SLC15A2: variants seen among roughly 807,000 people sequenced by gnomAD.
SLC15A2 encodes the protein solute carrier family 15 member 2, also known as kidney H(+)/peptide cotransporter.
In SLC15A2, 77 loss-of-function variants were observed where a neutral mutation model predicts 95.5. That is an observed-to-expected ratio of 0.81 (90% CI 0.67 to 0.97). SLC15A2 has a LOEUF of 0.97. Ranked by LOEUF, SLC15A2 falls within the 50% of genes least tolerant of loss-of-function variation. The pLI is 0.00. For synonymous variants in SLC15A2, 306 were observed against 306.9 expected (o/e 1.00, Z 0.03); for missense variants, 893 against 874.4 (o/e 1.02, Z -0.27).
chr3:121,929,096 T>C lies in SLC15A2; in HGVS notation c.1456T>C (p.Trp486Arg). The C allele has an allele frequency of 1.2e-6, 2 of 1,614,052 alleles. No individual in the cohort carries two copies. Among genetic ancestry groups the C allele is most frequent in the South Asian group, 2.2e-5 (2 of 91,056 alleles). ...YTEHSVQEKN[W>R]YSLVIREDGN... ...TGAGCATTCTGTGCAGGAGAAGAACTGGTACAGTCTTGTCATTCGTGAAGA... is the reference window on the plus strand; with the variant it reads ...TGAGCATTCTGTGCAGGAGAAGAACCGGTACAGTCTTGTCATTCGTGAAGA... Residue 486 changes from tryptophan (W) to arginine (R), a missense_variant, in exon 16 of 22, where the codon TGG becomes CGG. Physicochemically the swap from Trp to Arg is moderately radical, Grantham distance 101. Coordinates refer to ENST00000489711, the MANE Select transcript of SLC15A2 (RefSeq NM_021082.4).
At chr3:121,919,375 A>G (rs959145638) in intron 7 of SLC15A2, among the ~76,000 whole-genome samples, 1 of 152,180 alleles carries the variant, frequency 6.6e-6, no homozygotes, top group Non-Finnish European at 1.5e-5. Context: ...TGAGTAAAGC[A>G]GAGAAGAATT....
At chr3:121,913,188 AGCCATTT>A (rs1709809249) in intron 5 of SLC15A2, 68 bp downstream of exon 5, 8 of 1,223,730 alleles carry the variant, frequency 6.5e-6, no homozygotes, top group Non-Finnish European at 9.6e-6. Flanking sequence ...TCTGGCAGGT[AGCCATTT>A]GCCAAGATTG....
intron 13 of SLC15A2, among the ~76,000 whole-genome samples, chr3:121,925,767 TATATATATATATATAAAA>T (rs1336561086): frequency 7.8e-4 from 69 of 88,940 alleles, no homozygotes; most frequent in African/African-American, 3.7e-3. Context: ...TATATATATA[TATATATATATATATAAAA>T]TACAACTACT....
intron 8 of SLC15A2, 89 bp from the exon 9 acceptor site, chr3:121,922,685 TA>T: frequency 1.3e-6 from 1 of 793,112 alleles, no homozygotes; most frequent in Non-Finnish European, 2.0e-6. Context: ...TCACTAGAAG[TA>T]TGGTGTTTGA....
rs1710478361 is a variant in SLC15A2 at position 121,942,378 on chromosome 3, C to T, written c.*1371C>T. Reference sequence around the variant, plus strand: ...ATCACTGTTCTAGAGAGCTTCATTTCCATTGGTTTTAAAACATTATTCTCA... The same window carrying T: ...ATCACTGTTCTAGAGAGCTTCATTTTCATTGGTTTTAAAACATTATTCTCA... On this transcript the variant is annotated 3_prime_UTR_variant, in exon 22 of 22. Transcript: ENST00000489711. 1 of 152,152 alleles carries T rather than the reference C, an allele frequency of 6.6e-6. No individual in the cohort carries two copies. Among genetic ancestry groups the T allele is most frequent in the Admixed American group, 6.6e-5 (1 of 15,264 alleles). The allele number at this position is 152,152 out of a possible 1,614,324, so 9.4% of individuals were successfully genotyped here.
chr3:121,923,489 A>G (rs2293613), intron 11 of SLC15A2, among the ~76,000 whole-genome samples: 10,261 of 152,270 alleles, frequency 0.067, 396 homozygotes, highest in South Asian at 0.16. Flanking sequence ...GAAAGTTTCA[A>G]TGTATACAAG....
At chr3:121,921,668 T>A (rs1011456092) in intron 7 of SLC15A2, among the ~76,000 whole-genome samples, 1 of 151,674 alleles carries the variant, frequency 6.6e-6, no homozygotes, top group Admixed American at 6.6e-5. Context: ...TAATAGATCC[T>A]GGAAAGAAAC....
intron 19 of SLC15A2, among the ~76,000 whole-genome samples, chr3:121,937,903 C>T (rs568762361): frequency 6.6e-6 from 1 of 151,596 alleles, no homozygotes; most frequent in Non-Finnish European, 1.5e-5. Context: ...GTTTTATCTA[C>T]TTTTGGTCTT....
intron 19 of SLC15A2, among the ~76,000 whole-genome samples, chr3:121,937,592 T>G (rs1710372823): frequency 6.6e-6 from 1 of 151,764 alleles, no homozygotes; most frequent in African/African-American, 2.4e-5. Context: ...CACGTAGTTC[T>G]CGAGCCTTGG....
At chr3:121,911,002 A>G (rs1028604431) in intron 3 of SLC15A2, among the ~76,000 whole-genome samples, 2 of 152,182 alleles carry the variant, frequency 1.3e-5, no homozygotes, top group African/African-American at 2.4e-5. Flanking sequence ...GAGGATTACA[A>G]TTAATCCAAG....
chr3:121,931,472 C>G (rs979474334), intron 18 of SLC15A2, among the ~76,000 whole-genome samples, 167 bp from the exon 19 acceptor site: 121 of 152,250 alleles, frequency 7.9e-4, no homozygotes, highest in African/African-American at 2.7e-3. Context: ...GGGACAGAAG[C>G]CTGGCATGAA....
intron 3 of SLC15A2, among the ~76,000 whole-genome samples, chr3:121,902,583 C>T (rs949403189): frequency 6.6e-6 from 1 of 152,120 alleles, no homozygotes; most frequent in African/African-American, 2.4e-5. Flanking sequence ...TTGTTCAATT[C>T]CCACCTATGA....
rs763471704 is a variant in SLC15A2 at position 121,940,536 on chromosome 3, C to A, written c.2013+48C>A. ...ATTCATTTCTACTCAAGTTTTTCCT[C>A]CAGCTTTCTCTTCTCCCTTTCCCCC... is the stretch of plus-strand genomic sequence containing the variant. On this transcript the variant is annotated intron_variant, in intron 21 of 21. Transcript: ENST00000489711. 13 of 1,451,422 alleles carry A rather than the reference C, an allele frequency of 9.0e-6. No individual in the cohort carries two copies. The South Asian group carries it at 1.4e-4, about 15-fold the overall frequency. The allele number at this position is 1,451,422 out of a possible 1,614,324, so 89.9% of individuals were successfully genotyped here. A position where few individuals can be genotyped will look rare whatever the true frequency, so the allele number is the denominator to read the frequency against.
intron 3 of SLC15A2, among the ~76,000 whole-genome samples, chr3:121,897,883 C>T (rs1709449058): frequency 6.6e-6 from 1 of 152,122 alleles, no homozygotes; most frequent in Admixed American, 6.5e-5. Flanking sequence ...TAATTTTAGC[C>T]AGGTGCGGTG....
intron 3 of SLC15A2, among the ~76,000 whole-genome samples, chr3:121,904,264 GT>G (rs946879461): frequency 2.0e-5 from 3 of 152,108 alleles, no homozygotes; most frequent in African/African-American, 7.2e-5. Context: ...AGACAGTGGG[GT>G]TTTCTAGATA....
Position 121,942,290 on chromosome 3 carries a change from A to G in SLC15A2, c.*1283A>G, listed in dbSNP as rs1447508414. On this transcript the variant is annotated 3_prime_UTR_variant, in exon 22 of 22. Coordinates refer to ENST00000489711, the MANE Select transcript of SLC15A2 (RefSeq NM_021082.4). ...AACATTACCTCATACACAATGAATG[A>G]ATCAGAGGACAGACACGGGAATGGC... 1 of 152,224 alleles carries G rather than the reference A, an allele frequency of 6.6e-6. No homozygotes were observed. Among genetic ancestry groups the G allele is most frequent in the Non-Finnish European group, 1.5e-5 (1 of 68,032 alleles). 9.4% of individuals were successfully genotyped at this position (152,224 alleles called of 1,614,324 possible). A position where few individuals can be genotyped will look rare whatever the true frequency, so the allele number is the denominator to read the frequency against.
chr3:121,909,187 C>T (rs931828608), intron 3 of SLC15A2, among the ~76,000 whole-genome samples: 2 of 152,030 alleles, frequency 1.3e-5, no homozygotes, highest in African/African-American at 4.8e-5. Flanking sequence ...CTCAGCCTCC[C>T]AAGTAGCTGG....
Position 121,943,505 on chromosome 3 carries a change from G to A in SLC15A2, c.*2498G>A, listed in dbSNP as rs964587793. ...ATATTAAGATATCTTAATATGAAGT[G>A]CCTGGAGTCAAATATAACATTCCAA... is the stretch of plus-strand genomic sequence containing the variant. On this transcript the variant is annotated 3_prime_UTR_variant, in exon 22 of 22. Coordinates refer to ENST00000489711, the MANE Select transcript of SLC15A2 (RefSeq NM_021082.4). The A allele has an allele frequency of 2.6e-5, 4 of 152,148 alleles. No individual in the cohort carries two copies. Among genetic ancestry groups the A allele is most frequent in the Admixed American group, 1.3e-4 (2 of 15,284 alleles). 9.4% of individuals were successfully genotyped at this position (152,148 alleles called of 1,614,324 possible). A position where few individuals can be genotyped will look rare whatever the true frequency, so the allele number is the denominator to read the frequency against.
At chr3:121,915,034 T>C in intron 5 of SLC15A2, 193 bp from the exon 6 acceptor site, 1 of 1,352,078 alleles carries the variant, frequency 7.4e-7, no homozygotes, top group Non-Finnish European at 9.6e-7. Context: ...GCTCTGGAGT[T>C]TGAAAGGTGA....
Sources: gnomAD v4.1 joint callset for allele counts (sites outside exome capture counted in the v4.1 genomes callset) on GRCh38, gnomAD v4.1.1 for gene constraint, MANE v1.5 for transcripts, NCBI Gene and HGNC (gene_info 2026-07-23, HGNC 2026-07-21) for gene names.